EIF4G3: variants seen among roughly 807,000 people sequenced by gnomAD.
EIF4G3 encodes the protein eIF-4-gamma 3.
Under a neutral mutation model 186.4 loss-of-function variants are expected in EIF4G3, and 34 were observed. The observed-to-expected ratio is 0.18, with a 90% CI of 0.14 to 0.24. The LOEUF (loss-of-function observed/expected upper bound fraction) is 0.24, where lower values mean the gene tolerates loss of function less well. EIF4G3 is among the 10% of genes least tolerant of loss of function. EIF4G3 has a pLI of 1.00. For synonymous variants in EIF4G3, 673 were observed against 679.5 expected (o/e 0.99, Z 0.15); for missense variants, 1,536 against 1,948.5 (o/e 0.79, Z 3.99).
At chr1:20,947,201 G>C (rs2095990741) in intron 13 of EIF4G3, among the ~76,000 whole-genome samples, 1 of 151,922 alleles carries the variant, frequency 6.6e-6, no homozygotes, top group African/African-American at 2.4e-5. Flanking sequence ...AAAATTAGCT[G>C]GTCATGGTGG....
intron 4 of EIF4G3, among the ~76,000 whole-genome samples, chr1:21,037,100 G>C (rs187316976): frequency 1.3e-5 from 2 of 152,164 alleles, no homozygotes; most frequent in African/African-American, 4.8e-5. Flanking sequence ...AGAACAGCTG[G>C]AATATTAAGA....
At chr1:20,937,539 T>C (rs1022803981) in intron 14 of EIF4G3, among the ~76,000 whole-genome samples, 1 of 152,064 alleles carries the variant, frequency 6.6e-6, no homozygotes, top group African/African-American at 2.4e-5. Flanking sequence ...AAATGTACTA[T>C]AAGCAAGAGC....
intron 2 of EIF4G3, among the ~76,000 whole-genome samples, chr1:21,103,986 C>A (rs2101905169): frequency 6.6e-6 from 1 of 152,268 alleles, no homozygotes; most frequent in Middle Eastern, 3.4e-3. Flanking sequence ...AACGTTATCC[C>A]TTAGTAAACT....
Position 20,941,838 on chromosome 1 carries a change from A to C in EIF4G3, c.1316T>G (p.Leu439Trp). 1 of 1,614,146 alleles carries C rather than the reference A, an allele frequency of 6.2e-7. No individual in the cohort carries two copies. Among genetic ancestry groups the C allele is most frequent in the Non-Finnish European group, 8.5e-7 (1 of 1,180,020 alleles). Reference protein sequence around the residue: ...VEIVKQEVLPLTLELEILENP... With the variant: ...VEIVKQEVLPWTLELEILENP... Reference sequence around the variant, plus strand: ...TTCGAGAATCTCCAATTCAAGAGTCAATGGCAATACTTCCTGTTTTACTAT... The same window carrying C: ...TTCGAGAATCTCCAATTCAAGAGTCCATGGCAATACTTCCTGTTTTACTAT... Residue 439 changes from leucine to tryptophan, a missense_variant, in exon 14 of 37, where the codon TTG becomes TGG. Coordinates refer to ENST00000602326, the MANE Select transcript of EIF4G3 (RefSeq NM_001391906.1).
At chr1:20,919,134 G>T (rs926623099) in intron 14 of EIF4G3, among the ~76,000 whole-genome samples, 12 of 151,976 alleles carry the variant, frequency 7.9e-5, no homozygotes, top group Non-Finnish European at 1.5e-4. Context: ...TAACCGACAG[G>T]TATTTTCCTA....
At chr1:21,068,040 A>C (rs888004952) in intron 3 of EIF4G3, among the ~76,000 whole-genome samples, 9 of 152,240 alleles carry the variant, frequency 5.9e-5, no homozygotes, top group East Asian at 5.8e-4. Flanking sequence ...CTAATCCCCC[A>C]AAAATTGAGT....
At chr1:21,166,467 G>T (rs961302569) in intron 2 of EIF4G3, among the ~76,000 whole-genome samples, 1 of 152,122 alleles carries the variant, frequency 6.6e-6, no homozygotes, top group South Asian at 2.1e-4. Context: ...GCTCACGCCT[G>T]TAATCCCAAC....
In EIF4G3 at chr1:20,821,049, G is replaced by A. The variant is rs373192084; in HGVS notation, c.4369-3511C>T. ...GCGTACCTCATTCTTCCTGGACACA[G>A]GAAAAGAACTCGGGCAAAGGTGCCA... On this transcript the variant is annotated intron_variant, in intron 33 of 36. Transcript: ENST00000602326. Among the ~76,000 whole-genome samples, 5 of 152,302 alleles carry A rather than the reference G, an allele frequency of 3.3e-5. No homozygotes were observed. In the South Asian group the frequency reaches 1.0e-3, roughly 32 times the overall value.
intron 14 of EIF4G3, among the ~76,000 whole-genome samples, chr1:20,938,786 G>A (rs2095603829): frequency 6.6e-6 from 1 of 152,060 alleles, no homozygotes; most frequent in South Asian, 2.1e-4. Context: ...GAAATGAATG[G>A]GTCAGAAATG....
intron 14 of EIF4G3, among the ~76,000 whole-genome samples, chr1:20,908,216 C>A: frequency 6.6e-6 from 1 of 151,976 alleles, no homozygotes; most frequent in Non-Finnish European, 1.5e-5. Flanking sequence ...CTGTTCATAT[C>A]CTTTGCCCAC....
chr1:21,160,869 T>TG (rs1167903909), intron 2 of EIF4G3, among the ~76,000 whole-genome samples: 1 of 152,172 alleles, frequency 6.6e-6, no homozygotes, highest in African/African-American at 2.4e-5. Context: ...CGTGTAGTGC[T>TG]GGGAGTCATG....
chr1:20,900,960 C>G (rs192952613), intron 15 of EIF4G3, among the ~76,000 whole-genome samples: 105 of 152,144 alleles, frequency 6.9e-4, no homozygotes, highest in Middle Eastern at 3.4e-3. Flanking sequence ...AGATATAATA[C>G]TAGTAAATTT....
chr1:21,045,050 G>A lies in EIF4G3; in HGVS notation c.-67+5816C>T, dbSNP rs1020344006. Among the ~76,000 whole-genome samples, 4 of 152,046 alleles carry A rather than the reference G, an allele frequency of 2.6e-5. No homozygotes were observed. The South Asian group carries it at 6.2e-4, about 24-fold the overall frequency. On this transcript the variant is annotated intron_variant, in intron 4 of 36. Coordinates refer to ENST00000602326, the MANE Select transcript of EIF4G3 (RefSeq NM_001391906.1). Reference sequence around the variant, plus strand: ...CTGAAGAACTGCTTGAGTCCAGGGGGTCAAGGCTGCAGTGAGCTATGATCA... The same window carrying A: ...CTGAAGAACTGCTTGAGTCCAGGGGATCAAGGCTGCAGTGAGCTATGATCA...
At chr1:20,860,953 A>G (rs983989549) in intron 23 of EIF4G3, among the ~76,000 whole-genome samples, 2 of 152,208 alleles carry the variant, frequency 1.3e-5, no homozygotes, top group African/African-American at 4.8e-5. Context: ...ATCACATTCC[A>G]TAGGGGTTCT....
At chr1:20,895,264 G>T in intron 17 of EIF4G3, 104 bp downstream of exon 17, 2 of 1,247,650 alleles carry the variant, frequency 1.6e-6, no homozygotes, top group South Asian at 1.6e-5. Flanking sequence ...TACATCATTT[G>T]GTCTAACAAT....
intron 18 of EIF4G3, among the ~76,000 whole-genome samples, chr1:20,886,810 G>C (rs1167362663): frequency 6.6e-6 from 1 of 152,018 alleles, no homozygotes; most frequent in Non-Finnish European, 1.5e-5. Flanking sequence ...CCTTACTGTA[G>C]ATCATAAAAG....
intron 7 of EIF4G3, among the ~76,000 whole-genome samples, chr1:20,985,486 T>C (rs896548608): frequency 6.6e-6 from 1 of 151,464 alleles, no homozygotes; most frequent in African/African-American, 2.4e-5. Context: ...CCAGAAGAGA[T>C]TCTAGAAAAG....
chr1:20,850,199 G>A (rs1441472791), intron 28 of EIF4G3, among the ~76,000 whole-genome samples: 1 of 152,112 alleles, frequency 6.6e-6, no homozygotes, highest in African/African-American at 2.4e-5. Flanking sequence ...CCGAGAACAG[G>A]GATCAAGGGC....
At chr1:21,149,838 T>C (rs755926513) in intron 2 of EIF4G3, among the ~76,000 whole-genome samples, 2 of 152,210 alleles carry the variant, frequency 1.3e-5, no homozygotes, top group South Asian at 2.1e-4. Context: ...AAGCTAGAAA[T>C]CACCATCATT....
Sources: allele counts gnomAD v4.1 joint callset (sites outside exome capture counted in the v4.1 genomes callset), GRCh38; gene constraint gnomAD v4.1.1; transcripts MANE v1.5; gene names NCBI Gene and HGNC (gene_info 2026-07-23, HGNC 2026-07-21).